Variants in PCDH15 observed in about 807,000 individuals in gnomAD.
PCDH15 encodes protocadherin-15.
Under a neutral mutation model 178.5 loss-of-function variants are expected in PCDH15, and 129 were observed. That is an observed-to-expected ratio of 0.72 (90% CI 0.63 to 0.84). The LOEUF is 0.84. Ranked by LOEUF, PCDH15 falls within the 40% of genes least tolerant of loss-of-function variation. The pLI, the probability that PCDH15 is intolerant of heterozygous loss-of-function variation, is 0.00. For synonymous variants in PCDH15, 800 were observed against 732.0 expected (o/e 1.09, Z -1.50); for missense variants, 2,230 against 2,099.9 (o/e 1.06, Z -1.21).
intron 2 of PCDH15, among the ~76,000 whole-genome samples, chr10:55,071,855 C>T (rs1023107641): frequency 3.3e-5 from 5 of 152,138 alleles, no homozygotes; most frequent in African/African-American, 1.2e-4. Flanking sequence ...AAGTAAAGCT[C>T]TCCTCAGCCA....
At chr10:54,857,300 T>C (rs890963281) in intron 3 of PCDH15, among the ~76,000 whole-genome samples, 1 of 152,232 alleles carries the variant, frequency 6.6e-6, no homozygotes, top group Non-Finnish European at 1.5e-5. Context: ...GTGAATTTCA[T>C]AGAGATAAAA....
At chr10:54,914,516 C>T (rs1291105026) in intron 2 of PCDH15, among the ~76,000 whole-genome samples, 1 of 140,200 alleles carries the variant, frequency 7.1e-6, no homozygotes, top group Non-Finnish European at 1.7e-5. Flanking sequence ...TACATACAAT[C>T]AAGATCAAAG....
chr10:54,934,287 C>A (rs956001273), intron 2 of PCDH15, among the ~76,000 whole-genome samples: 1 of 152,044 alleles, frequency 6.6e-6, no homozygotes, highest in African/African-American at 2.4e-5. Context: ...TTTTAAAACA[C>A]ATGACATGAG....
intron 8 of PCDH15, among the ~76,000 whole-genome samples, chr10:54,276,820 G>A (rs1011578540): frequency 2.6e-5 from 4 of 151,578 alleles, no homozygotes; most frequent in African/African-American, 9.7e-5. Context: ...GACATGTTCA[G>A]TATATCATTT....
At chr10:54,199,865 G>C (rs1243596829) in intron 10 of PCDH15, among the ~76,000 whole-genome samples, 1 of 152,008 alleles carries the variant, frequency 6.6e-6, no homozygotes, top group Non-Finnish European at 1.5e-5. Flanking sequence ...GGTTTTGTTT[G>C]AAAAGCGTCT....
chr10:53,938,999 T>C (rs1264271090), intron 24 of PCDH15, 44 bp from the exon 25 acceptor site: 2 of 1,583,494 alleles, frequency 1.3e-6, no homozygotes, highest in Non-Finnish European at 8.7e-7. Flanking sequence ...CTTTACGCTA[T>C]AAGGAAAGAA....
intron 3 of PCDH15, among the ~76,000 whole-genome samples, chr10:54,461,418 G>A (rs1367111019): frequency 6.6e-6 from 1 of 152,060 alleles, no homozygotes; most frequent in African/African-American, 2.4e-5. Context: ...TAGCACTGCT[G>A]TTTATCACAT....
chr10:54,940,286 G>T (rs1591796184), intron 2 of PCDH15, among the ~76,000 whole-genome samples: 1 of 151,772 alleles, frequency 6.6e-6, no homozygotes, highest in East Asian at 1.9e-4. Context: ...ATTCTCTTTG[G>T]TCCATTGATT....
At chr10:55,306,701 A>G (rs1843434518) in intron 1 of PCDH15, among the ~76,000 whole-genome samples, 1 of 152,230 alleles carries the variant, frequency 6.6e-6, no homozygotes, top group Admixed American at 6.5e-5. Flanking sequence ...AGAGATGCTT[A>G]TTGATTGCCA....
At chr10:55,026,383 G>A (rs1840476362) in intron 2 of PCDH15, among the ~76,000 whole-genome samples, 1 of 151,886 alleles carries the variant, frequency 6.6e-6, no homozygotes, top group Admixed American at 6.6e-5. Context: ...ATAATATTAT[G>A]TCATATATTA....
intron 26 of PCDH15, among the ~76,000 whole-genome samples, chr10:53,876,721 GACT>G: frequency 6.6e-6 from 1 of 151,974 alleles, no homozygotes; most frequent in East Asian, 1.9e-4. Context: ...GTCAAACAGT[GACT>G]ACAATGCAAT....
At chr10:55,609,682 C>A (rs1374396327) in intron 2 of PCDH15, among the ~76,000 whole-genome samples, 1 of 151,938 alleles carries the variant, frequency 6.6e-6, no homozygotes, top group Non-Finnish European at 1.5e-5. Context: ...TGAAAAAAAT[C>A]ATAATCGTGC....
chr10:54,790,378 T>C (rs931065903), intron 1 of PCDH15, among the ~76,000 whole-genome samples: 1 of 151,494 alleles, frequency 6.6e-6, no homozygotes, highest in Non-Finnish European at 1.5e-5. Context: ...AAAATATATA[T>C]ATGTATTTCC....
intron 25 of PCDH15, among the ~76,000 whole-genome samples, chr10:53,920,864 C>T (rs1396280687): frequency 6.6e-6 from 1 of 152,068 alleles, no homozygotes; most frequent in Admixed American, 6.5e-5. Flanking sequence ...GAAGATTCAA[C>T]CAAGAAGCAA....
intron 1 of PCDH15, among the ~76,000 whole-genome samples, chr10:54,664,811 T>G (rs1223061828): frequency 6.6e-6 from 1 of 151,536 alleles, no homozygotes; most frequent in African/African-American, 2.4e-5. Context: ...CAGGAAAGAC[T>G]AAGGAAAATC....
chr10:55,406,275 A>C (rs1588995623), intron 2 of PCDH15, among the ~76,000 whole-genome samples: 1 of 152,202 alleles, frequency 6.6e-6, no homozygotes, highest in South Asian at 2.1e-4. Context: ...GAGACAACTA[A>C]AGTGAACACC....
At position 55,334,314 on chromosome 10, in the gene PCDH15, A is replaced by ATAT. The variant is rs377043126; in HGVS notation, c.-155-167664_-155-167663insATA. 1.6e-4 allele frequency among the ~76,000 whole-genome samples: 19 copies of ATAT among 119,598 alleles called. 1 individual carries two copies. The highest frequency in any genetic ancestry group is 4.2e-3 in the Middle Eastern group (1 of 238). 78.5% of individuals were successfully genotyped at this position (119,598 alleles called of 152,430 possible). A position where few individuals can be genotyped will look rare whatever the true frequency, so the allele number is the denominator to read the frequency against. On this transcript the variant is annotated intron_variant, in intron 2 of 5. Transcript: ENST00000613346. ...TGTATATATCTATATATATATATAT[A>ATAT]TTTTTTTTTTGAGACAGAGTTTCGC...
At chr10:53,981,835 C>A (rs1332644505) in intron 21 of PCDH15, among the ~76,000 whole-genome samples, 27 of 151,316 alleles carry the variant, frequency 1.8e-4, no homozygotes, top group African/African-American at 5.1e-4. Flanking sequence ...TAATTAAACT[C>A]AAGAGCTTCT....
At chr10:55,161,368 G>C (rs1257521841) in intron 2 of PCDH15, among the ~76,000 whole-genome samples, 5 of 152,058 alleles carry the variant, frequency 3.3e-5, no homozygotes, top group Admixed American at 1.3e-4. Flanking sequence ...AACTACCTCT[G>C]CATAATATTG....
Sources: gnomAD v4.1 joint callset for allele counts (sites outside exome capture counted in the v4.1 genomes callset) on GRCh38, gnomAD v4.1.1 for gene constraint, MANE v1.5 for transcripts, NCBI Gene and HGNC (gene_info 2026-07-23, HGNC 2026-07-21) for gene names.